Variants in IL1RAPL1 observed in about 807,000 individuals in gnomAD.
The protein encoded by IL1RAPL1 is interleukin-1 receptor accessory protein-like 1.
IL1RAPL1 carries 3 observed loss-of-function variants against 48.4 expected under a neutral mutation model. That is an observed-to-expected ratio of 0.06 (90% CI 0.03 to 0.16). The LOEUF (loss-of-function observed/expected upper bound fraction) is 0.16. Among genes scored for constraint, IL1RAPL1 ranks in the 10% least tolerant of loss-of-function variants. IL1RAPL1 has a pLI of 1.00. For synonymous variants in IL1RAPL1, 185 were observed against 187.7 expected (o/e 0.99, Z 0.12); for missense variants, 349 against 530.6 (o/e 0.66, Z 3.36).
intron 8 of IL1RAPL1, among the ~76,000 whole-genome samples, chrX:29,936,065 G>T (rs779603538): frequency 1.4e-4 from 16 of 110,811 alleles, no homozygotes; most frequent in Non-Finnish European, 1.5e-4. Context: ...CTTCCTTTAT[G>T]TGAATAGCAG....
intron 1 of IL1RAPL1, among the ~76,000 whole-genome samples, chrX:28,601,892 G>A (rs1201159332): frequency 1.8e-5 from 2 of 109,836 alleles, no homozygotes; most frequent in Non-Finnish European, 1.9e-5. Context: ...ATCACCTAAG[G>A]TCAGAAGTTC....
intron 1 of IL1RAPL1, among the ~76,000 whole-genome samples, chrX:28,708,649 G>T (rs7881139): frequency 0.5 from 55,010 of 110,125 alleles, 10,310 homozygotes; most frequent in Middle Eastern, 0.73. Context: ...ATGAAATAAT[G>T]TCATTTGCAG....
intron 2 of IL1RAPL1, among the ~76,000 whole-genome samples, chrX:29,055,354 T>G (rs1166707132): frequency 1.8e-5 from 2 of 111,632 alleles, no homozygotes; most frequent in Non-Finnish European, 3.8e-5. Flanking sequence ...TTCAGTAACT[T>G]CCAGAACATG....
chrX:28,921,800 A>C (rs1256797210), intron 2 of IL1RAPL1, among the ~76,000 whole-genome samples: 1 of 112,232 alleles, frequency 8.9e-6, no homozygotes, highest in Non-Finnish European at 1.9e-5. Flanking sequence ...CACCCATGGC[A>C]CTGCTGGAAA....
At chrX:29,012,541 T>A (rs1926148584) in intron 2 of IL1RAPL1, among the ~76,000 whole-genome samples, 1 of 111,191 alleles carries the variant, frequency 9.0e-6, no homozygotes, top group African/African-American at 3.3e-5. Flanking sequence ...CGAAGCTGTG[T>A]CTCAAAAAAA....
At chrX:29,608,654 G>C (rs887201801) in intron 5 of IL1RAPL1, among the ~76,000 whole-genome samples, 1 of 105,089 alleles carries the variant, frequency 9.5e-6, no homozygotes, top group East Asian at 3.1e-4. Context: ...GTGAAACCCC[G>C]TCTCTACTAA....
intron 5 of IL1RAPL1, among the ~76,000 whole-genome samples, chrX:29,498,078 C>T (rs1282916153): frequency 2.7e-5 from 3 of 112,301 alleles, no homozygotes; most frequent in African/African-American, 6.5e-5. Flanking sequence ...TTGCCAATGA[C>T]GCTAACCATG....
chrX:29,538,756 A>C (rs537131743), intron 5 of IL1RAPL1, among the ~76,000 whole-genome samples: 2 of 110,670 alleles, frequency 1.8e-5, no homozygotes, highest in Middle Eastern at 4.7e-3. Flanking sequence ...CCTTAAGTGT[A>C]TGATCACTGT....
intron 2 of IL1RAPL1, among the ~76,000 whole-genome samples, chrX:29,132,675 T>C (rs1929046103): frequency 9.0e-6 from 1 of 111,414 alleles, no homozygotes; most frequent in African/African-American, 3.3e-5. Flanking sequence ...TATTTTTATC[T>C]TGTGGACATT....
intron 1 of IL1RAPL1, among the ~76,000 whole-genome samples, chrX:28,760,757 C>T (rs1936161441): frequency 9.0e-6 from 1 of 111,221 alleles, no homozygotes; most frequent in African/African-American, 3.3e-5. Flanking sequence ...CCATAAGACA[C>T]CACCTCACAT....
chrX:29,008,374 C>T (rs750918873), intron 2 of IL1RAPL1, among the ~76,000 whole-genome samples: 2 of 111,140 alleles, frequency 1.8e-5, no homozygotes, highest in South Asian at 7.6e-4. Flanking sequence ...TGGAGTTTCA[C>T]CGTGTGTTAG....
intron 2 of IL1RAPL1, among the ~76,000 whole-genome samples, chrX:29,051,844 G>A (rs140284204): frequency 1.2e-3 from 130 of 112,379 alleles, no homozygotes; most frequent in African/African-American, 3.9e-3. Context: ...TATGTCTGTG[G>A]CCTATAATAC....
At chrX:29,719,743 C>CAA (rs372308075) in intron 6 of IL1RAPL1, among the ~76,000 whole-genome samples, 221 of 21,759 alleles carry the variant, frequency 0.01, 3 homozygotes, top group East Asian at 0.025. Context: ...GAAAGATGAG[C>CAA]AAAAAAAAAA....
At chrX:28,989,754 G>T (rs1041342622) in intron 2 of IL1RAPL1, among the ~76,000 whole-genome samples, 4 of 112,049 alleles carry the variant, frequency 3.6e-5, no homozygotes, top group African/African-American at 9.7e-5. Flanking sequence ...ATAGTTAGTG[G>T]TTAATATTTT....
intron 9 of IL1RAPL1, among the ~76,000 whole-genome samples, chrX:29,954,120 C>A (rs1933367481): frequency 9.4e-6 from 1 of 106,944 alleles, no homozygotes; most frequent in African/African-American, 3.4e-5. Flanking sequence ...CCTATAATCC[C>A]AGCTACTCGG....
At chrX:29,376,285 C>T (rs1362455661) in intron 3 of IL1RAPL1, among the ~76,000 whole-genome samples, 1 of 111,324 alleles carries the variant, frequency 9.0e-6, no homozygotes, top group African/African-American at 3.3e-5. Context: ...TCATTAATTT[C>T]AAAGTATATT....
At chrX:28,697,027 A>G (rs2146928091) in intron 1 of IL1RAPL1, among the ~76,000 whole-genome samples, 1 of 111,952 alleles carries the variant, frequency 8.9e-6, no homozygotes, top group Non-Finnish European at 1.9e-5. Context: ...TTAAAAGAAG[A>G]AAAGATGTCT....
intron 6 of IL1RAPL1, among the ~76,000 whole-genome samples, chrX:29,832,487 A>C (rs1472155517): frequency 9.0e-6 from 1 of 111,118 alleles, no homozygotes; most frequent in Non-Finnish European, 1.9e-5. Context: ...CTTTATGAAT[A>C]TATCTTTCTG....
intron 1 of IL1RAPL1, among the ~76,000 whole-genome samples, chrX:28,780,767 A>G (rs1391019492): frequency 9.1e-6 from 1 of 109,859 alleles, no homozygotes; most frequent in African/African-American, 3.3e-5. Context: ...AGCTCATGTG[A>G]TCTGCTGTGC....
Sources: gnomAD v4.1 joint callset for allele counts (sites outside exome capture counted in the v4.1 genomes callset) on GRCh38, gnomAD v4.1.1 for gene constraint, MANE v1.5 for transcripts, NCBI Gene and HGNC (gene_info 2026-07-23, HGNC 2026-07-21) for gene names.